The following HMGN3 variants were observed in gnomAD, a reference collection of about 807,000 sequenced individuals.
HMGN3 encodes the protein high mobility group nucleosomal binding domain 3, also known as high mobility group nucleosome-binding domain-containing protein 3.
In HMGN3, 6 loss-of-function variants were observed where a neutral mutation model predicts 18.8. That is an observed-to-expected ratio of 0.32 (90% CI 0.18 to 0.63). HMGN3 has a LOEUF of 0.63. Ranked by LOEUF, HMGN3 falls within the 30% of genes least tolerant of loss-of-function variation. The pLI is 0.79. For synonymous variants in HMGN3, 40 were observed against 36.5 expected, an observed-to-expected ratio of 1.10 and a Z score of -0.35; for missense variants, 107 against 114.2, an observed-to-expected ratio of 0.94 and a Z score of 0.29.
intron 1 of HMGN3, among the ~76,000 whole-genome samples, chr6:79,226,151 C>T (rs987586338): frequency 6.6e-6 from 1 of 152,144 alleles, no homozygotes; most frequent in African/African-American, 2.4e-5. Context: ...CTATCACTTC[C>T]TAGCTGTGTG....
At chr6:79,204,213 T>C (rs531382369) in intron 3 of HMGN3, among the ~76,000 whole-genome samples, 7 of 152,352 alleles carry the variant, frequency 4.6e-5, no homozygotes, top group African/African-American at 1.7e-4. Flanking sequence ...TAACCAGATA[T>C]GCTGGGCTCA....
rs539033025 is a variant in HMGN3 at position 79,228,514 on chromosome 6, C to G, written c.15+6032G>C. ...AATATTGCTAAGAAAGCAATTCTTT[C>G]CTAACTGATTTATAGATTCAATTCA... is the stretch of plus-strand genomic sequence containing the variant. On this transcript the variant is annotated intron_variant, in intron 1 of 5. Coordinates refer to ENST00000344726, the Ensembl canonical transcript of HMGN3. 4.6e-5 allele frequency among the ~76,000 whole-genome samples: 7 copies of G among 152,250 alleles called. No individual in the cohort carries two copies. In the East Asian group the frequency reaches 1.4e-3, roughly 29 times the overall value.
chr6:79,221,835 GCA>G lies in HMGN3; in HGVS notation c.16-6815_16-6814del, dbSNP rs142741258. Among the ~76,000 whole-genome samples, 1,029 of 146,392 alleles carry G rather than the reference GCA, an allele frequency of 7.0e-3. 10 individuals are homozygous for G. The highest frequency in any genetic ancestry group is 0.024 in the African/African-American group (986 of 40,668). Reference sequence around the variant, plus strand: ...GAAAGAGGAGGGCTCAGGATTTTCAGCACAGTGTTGGACCTTTCTTATGTTAA... The same window carrying G: ...GAAAGAGGAGGGCTCAGGATTTTCAGCAGTGTTGGACCTTTCTTATGTTAA... On this transcript the variant is annotated intron_variant, in intron 1 of 5. Coordinates refer to ENST00000344726, the Ensembl canonical transcript of HMGN3.
chr6:79,217,919 T>TAG (rs1777075356), intron 1 of HMGN3, among the ~76,000 whole-genome samples: 1 of 152,200 alleles, frequency 6.6e-6, no homozygotes, highest in Admixed American at 6.5e-5. Context: ...TGAGGAGAGT[T>TAG]AGACGGGATG....
chr6:79,228,417 A>C (rs1777666600), intron 1 of HMGN3, among the ~76,000 whole-genome samples: 1 of 152,200 alleles, frequency 6.6e-6, no homozygotes, highest in African/African-American at 2.4e-5. Flanking sequence ...ATTCCATATC[A>C]ATATTTAACT....
intron 3 of HMGN3, among the ~76,000 whole-genome samples, chr6:79,204,644 A>G (rs1421548764): frequency 6.6e-6 from 1 of 152,252 alleles, no homozygotes; most frequent in East Asian, 1.9e-4. Context: ...GGAGAAAAAT[A>G]CATGTTCCTC....
At chr6:79,211,326 G>A (rs1012672037) in intron 2 of HMGN3, among the ~76,000 whole-genome samples, 1 of 152,104 alleles carries the variant, frequency 6.6e-6, no homozygotes, top group South Asian at 2.1e-4. Flanking sequence ...TAAATTATTG[G>A]ACTATATTTA....
At chr6:79,234,489 G>C in intron 1 of HMGN3, 57 bp downstream of exon 1, 1 of 1,564,472 alleles carries the variant, frequency 6.4e-7, no homozygotes, top group East Asian at 2.2e-5. Context: ...TGCAATGCCA[G>C]CATTTACTGT....
intron 1 of HMGN3, among the ~76,000 whole-genome samples, chr6:79,216,999 T>C (rs754838463): frequency 1.3e-5 from 2 of 152,248 alleles, no homozygotes; most frequent in Non-Finnish European, 2.9e-5. Flanking sequence ...TATTTTTCTA[T>C]GCAGTGGATT....
chr6:79,204,464 A>T (rs1162680984), intron 3 of HMGN3, among the ~76,000 whole-genome samples: 2 of 152,344 alleles, frequency 1.3e-5, no homozygotes, highest in Non-Finnish European at 2.9e-5. Context: ...GCCTGAGACC[A>T]GGTGGCACAT....
chr6:79,217,047 C>A (rs1432611454), intron 1 of HMGN3, among the ~76,000 whole-genome samples: 1 of 152,164 alleles, frequency 6.6e-6, no homozygotes, highest in Non-Finnish European at 1.5e-5. Flanking sequence ...TCTCTAAACA[C>A]CGACCTAATA....
intron 2 of HMGN3, among the ~76,000 whole-genome samples, chr6:79,214,412 A>G (rs1435266462): frequency 2.6e-5 from 4 of 152,196 alleles, no homozygotes; most frequent in South Asian, 2.1e-4. Context: ...CGTGTTAGCC[A>G]GGATGGTCTC....
In HMGN3 at chr6:79,202,145, G is replaced by C. The variant is rs746747864; in HGVS notation, c.261+131C>G. Reference sequence around the variant, plus strand: ...GGTTGAGACATTAACAGTTGAGCGAGAGATGTGGATCTGCAATAACATTAC... The same window carrying C: ...GGTTGAGACATTAACAGTTGAGCGACAGATGTGGATCTGCAATAACATTAC... On this transcript the variant is annotated intron_variant, in intron 5 of 5. Coordinates refer to ENST00000344726, the Ensembl canonical transcript of HMGN3. 3 of 1,575,086 alleles carry C rather than the reference G, an allele frequency of 1.9e-6. No homozygotes were observed. In the South Asian group the frequency reaches 3.4e-5, roughly 18 times the overall value.
chr6:79,201,584 A>G (rs1255703641), exon 6 of HMGN3: 4 of 793,698 alleles, frequency 5.0e-6, no homozygotes, highest in Non-Finnish European at 8.6e-6. Flanking sequence ...TATGCCAACT[A>G]GTAGAGTCCT....
chr6:79,207,030 C>T (rs1283728684), intron 3 of HMGN3, among the ~76,000 whole-genome samples: 1 of 152,200 alleles, frequency 6.6e-6, no homozygotes, highest in East Asian at 1.9e-4. Context: ...TGTATTTACC[C>T]AATATCTGTA....
At chr6:79,231,812 C>A (rs1777851065) in intron 1 of HMGN3, among the ~76,000 whole-genome samples, 1 of 152,214 alleles carries the variant, frequency 6.6e-6, no homozygotes, top group South Asian at 2.1e-4. Context: ...GGATCTATAA[C>A]TACACATTCT....
chr6:79,220,737 A>T (rs186273037), intron 1 of HMGN3, among the ~76,000 whole-genome samples: 66 of 152,268 alleles, frequency 4.3e-4, no homozygotes, highest in Admixed American at 2.1e-3. Flanking sequence ...GTGAGCCACC[A>T]CGCCCCACCA....
intron 1 of HMGN3, 77 bp downstream of exon 1, chr6:79,234,469 C>T (rs966015192): frequency 7.0e-7 from 1 of 1,434,930 alleles, no homozygotes; most frequent in Non-Finnish European, 9.8e-7. Flanking sequence ...GCGCGTTCTG[C>T]GCGAGCCATT....
At chr6:79,212,954 C>G (rs1002517939) in intron 2 of HMGN3, among the ~76,000 whole-genome samples, 33 of 152,166 alleles carry the variant, frequency 2.2e-4, no homozygotes, top group Admixed American at 1.3e-4. Context: ...GAGTTTTAAT[C>G]TGGCCTTGGC....
Sources: gnomAD v4.1 joint callset for allele counts (sites outside exome capture counted in the v4.1 genomes callset) on GRCh38, gnomAD v4.1.1 for gene constraint, MANE v1.5 for transcripts, NCBI Gene and HGNC (gene_info 2026-07-23, HGNC 2026-07-21) for gene names.